The following DNAH12 variants were observed in gnomAD, a reference collection of about 807,000 sequenced individuals.
The protein encoded by DNAH12 is dynein axonemal heavy chain 12.
In DNAH12, 285 loss-of-function variants were observed where a neutral mutation model predicts 371.5. The observed-to-expected ratio is 0.77, with a 90% CI of 0.70 to 0.85. DNAH12 has a LOEUF of 0.85. Among genes scored for constraint, DNAH12 ranks in the 40% least tolerant of loss-of-function variants. DNAH12 has a pLI of 0.00. For missense variants in DNAH12, 3,611 were observed against 3,689.4 expected (o/e 0.98, Z 0.55); for synonymous variants, 1,200 against 1,213.0 (o/e 0.99, Z 0.22).
At chr3:57,446,740 AC>A (rs2065513008) in intron 25 of DNAH12, 51 bp from the exon 26 acceptor site, 17 of 1,389,996 alleles carry the variant, frequency 1.2e-5, no homozygotes, top group African/African-American at 1.4e-5. Context: ...ATTTAAAAAA[AC>A]AACAGACACT....
intron 63 of DNAH12, 43 bp downstream of exon 63, chr3:57,323,425 GT>G: frequency 6.7e-7 from 1 of 1,494,502 alleles, no homozygotes; most frequent in Non-Finnish European, 8.9e-7. Context: ...TGAGCAAGAT[GT>G]TTTATTTATG....
chr3:57,481,733 A>G (rs548055956), intron 13 of DNAH12, among the ~76,000 whole-genome samples: 9 of 152,242 alleles, frequency 5.9e-5, no homozygotes, highest in African/African-American at 1.9e-4. Context: ...ATATAGACCA[A>G]TGGAACAGAA....
chr3:57,494,588 TAAAAC>T (rs955183881), intron 11 of DNAH12, among the ~76,000 whole-genome samples: 1 of 151,458 alleles, frequency 6.6e-6, no homozygotes, highest in African/African-American at 2.4e-5. Flanking sequence ...AACATTGTAC[TAAAAC>T]AAAACAAAAC....
Position 57,513,047 on chromosome 3 carries a change from A to T in DNAH12, c.280-2068T>A, listed in dbSNP as rs564643517. On this transcript the variant is annotated intron_variant, in intron 4 of 73. Transcript: ENST00000495027. ...CCAGCTACTTGGGAGGCTGAGGCAG[A>T]GAATTGCTTGAATCCAGGAAGCGGA... Among the ~76,000 whole-genome samples, 7 of 152,108 alleles carry T rather than the reference A, an allele frequency of 4.6e-5. No individual in the cohort carries two copies. The South Asian group carries it at 1.5e-3, about 32-fold the overall frequency.
At chr3:57,499,673 T>TATATATATATATATATATACAC (rs771112538) in intron 11 of DNAH12, among the ~76,000 whole-genome samples, 2 of 44,454 alleles carry the variant, frequency 4.5e-5, no homozygotes, top group Admixed American at 2.8e-4. Flanking sequence ...TATATATATA[T>TATATATATATATATATATACAC]ATACTTCTTA....
At chr3:57,375,743 A>G (rs1347383856) in intron 54 of DNAH12, 75 bp downstream of exon 54, 3 of 152,120 alleles carry the variant, frequency 2.0e-5, no homozygotes, top group South Asian at 2.1e-4. Context: ...CATTATTATC[A>G]TCCTTTCCCC....
intron 59 of DNAH12, among the ~76,000 whole-genome samples, chr3:57,354,846 T>A (rs2062761289): frequency 1.3e-5 from 2 of 152,166 alleles, no homozygotes; most frequent in Admixed American, 1.3e-4. Flanking sequence ...CCTGGAGAAT[T>A]ATGCTGAGTA....
chr3:57,535,921 C>T (rs148119189), intron 2 of DNAH12, among the ~76,000 whole-genome samples: 3,639 of 151,526 alleles, frequency 0.024, 67 homozygotes, highest in Non-Finnish European at 0.035. Flanking sequence ...ACTGTAACCT[C>T]GGCCTCCCGG....
chr3:57,333,482 C>T (rs2062155005), intron 62 of DNAH12, among the ~76,000 whole-genome samples: 1 of 151,936 alleles, frequency 6.6e-6, no homozygotes, highest in South Asian at 2.1e-4. Context: ...AGGCATGCAC[C>T]ACCATGCCTG....
At chr3:57,414,157 G>T (rs62252059) in intron 38 of DNAH12, among the ~76,000 whole-genome samples, 175 of 95,398 alleles carry the variant, frequency 1.8e-3, no homozygotes, top group African/African-American at 9.8e-3. Context: ...CATTATGTGT[G>T]TGTTTTTATT....
chr3:57,327,917 A>C (rs1181044575), intron 62 of DNAH12, among the ~76,000 whole-genome samples: 1 of 152,194 alleles, frequency 6.6e-6, no homozygotes, highest in Non-Finnish European at 1.5e-5. Context: ...CTACCATCAG[A>C]GAATACTACA....
chr3:57,364,485 T>C (rs943682590), intron 57 of DNAH12, among the ~76,000 whole-genome samples: 1,894 of 152,252 alleles, frequency 0.012, 15 homozygotes, highest in Non-Finnish European at 0.018. Context: ...GGTACCATAG[T>C]GTTTTTCCTC....
chr3:57,371,619 C>G (rs1339192922), intron 55 of DNAH12, among the ~76,000 whole-genome samples: 2 of 151,546 alleles, frequency 1.3e-5, no homozygotes, highest in East Asian at 3.9e-4. Flanking sequence ...CATGATTGCA[C>G]TACTACACTC....
At chr3:57,359,467 G>A (rs2062872508) in intron 58 of DNAH12, among the ~76,000 whole-genome samples, 1 of 149,604 alleles carries the variant, frequency 6.7e-6, no homozygotes, top group South Asian at 2.1e-4. Context: ...GCTGAGGCAG[G>A]AGAATGGCTT....
intron 60 of DNAH12, among the ~76,000 whole-genome samples, chr3:57,335,601 A>T (rs782174577): frequency 2.0e-5 from 3 of 152,262 alleles, no homozygotes; most frequent in Non-Finnish European, 2.9e-5. Context: ...TACTGAATAC[A>T]GTAAGCAGCT....
At chr3:57,425,248 G>A (rs1268232662) in intron 34 of DNAH12, 107 bp from the exon 35 acceptor site, 7 of 610,510 alleles carry the variant, frequency 1.1e-5, no homozygotes, top group South Asian at 5.9e-5. Context: ...TTTTAATAAG[G>A]TCTTTTTTTT....
At chr3:57,485,982 G>A (rs941496455) in intron 12 of DNAH12, among the ~76,000 whole-genome samples, 29 of 151,928 alleles carry the variant, frequency 1.9e-4, no homozygotes, top group African/African-American at 6.8e-4. Context: ...CACTTTGGGA[G>A]GTCCAGGAGG....
At chr3:57,320,564 G>C (rs1229136077) in intron 65 of DNAH12, among the ~76,000 whole-genome samples, 1 of 152,142 alleles carries the variant, frequency 6.6e-6, no homozygotes, top group African/African-American at 2.4e-5. Flanking sequence ...CTTATCGAAA[G>C]GCATTCCAGC....
chr3:57,364,770 A>C (rs2063009967), intron 57 of DNAH12, among the ~76,000 whole-genome samples: 1 of 152,246 alleles, frequency 6.6e-6, no homozygotes, highest in Admixed American at 6.5e-5. Context: ...CAAATTTACA[A>C]GAAAAGACAA....
Sources: gnomAD v4.1 joint callset for allele counts (sites outside exome capture counted in the v4.1 genomes callset) on GRCh38, gnomAD v4.1.1 for gene constraint, MANE v1.5 for transcripts, NCBI Gene and HGNC (gene_info 2026-07-23, HGNC 2026-07-21) for gene names.